Variants in DIP2C observed in about 807,000 individuals in gnomAD.
The protein encoded by DIP2C is DIP2 acetate--CoA ligase C (putative).
Under a neutral mutation model 192.4 loss-of-function variants are expected in DIP2C, and 33 were observed. The ratio of observed to expected loss-of-function variants is 0.17; its 90% CI spans 0.13 to 0.23. The LOEUF (loss-of-function observed/expected upper bound fraction) is 0.23, where lower values mean the gene tolerates loss of function less well. DIP2C is among the 10% of genes least tolerant of loss of function. The pLI is 1.00. For synonymous variants in DIP2C, 979 were observed against 864.1 expected (o/e 1.13, Z -2.33); for missense variants, 1,537 against 2,110.1 (o/e 0.73, Z 5.32).
chr10:616,300 G>GTTTT (rs1246807185), intron 1 of DIP2C, among the ~76,000 whole-genome samples: 4 of 152,212 alleles, frequency 2.6e-5, no homozygotes, highest in African/African-American at 9.6e-5. Flanking sequence ...TTACAGACAA[G>GTTTT]CATGAATGAA....
intron 1 of DIP2C, among the ~76,000 whole-genome samples, chr10:583,077 G>A (rs1389706854): frequency 2.0e-5 from 3 of 152,176 alleles, no homozygotes. Flanking sequence ...CATCTTCTAG[G>A]TTTGCAAGAA....
At position 419,403 on chromosome 10, in the gene DIP2C, G is replaced by A. The variant is rs187748862; in HGVS notation, c.605-204C>T. Among the ~76,000 whole-genome samples, 96 of 152,344 alleles carry A rather than the reference G, an allele frequency of 6.3e-4. 2 individuals are homozygous for A. The East Asian group carries it at 0.016, about 26-fold the overall frequency. On this transcript the variant is annotated intron_variant, in intron 5 of 36. Transcript: ENST00000280886. ...CATAACTCATGTTGCCGCAAATGGA[G>A]CAGAGTTCGGTAAAACCTCAGACGT...
chr10:531,920 A>G (rs558077185), intron 1 of DIP2C, among the ~76,000 whole-genome samples: 3 of 152,252 alleles, frequency 2.0e-5, no homozygotes, highest in African/African-American at 7.2e-5. Context: ...AATTTTTAAA[A>G]TAAGTTTTAA....
chr10:543,360 TAGG>T (rs1564834378), intron 1 of DIP2C, among the ~76,000 whole-genome samples: 3 of 152,312 alleles, frequency 2.0e-5, no homozygotes, highest in Admixed American at 2.0e-4. Context: ...GTAACCCTGT[TAGG>T]AGCTGTGCAG....
At chr10:617,735 T>C (rs932072358) in intron 1 of DIP2C, among the ~76,000 whole-genome samples, 22 of 141,132 alleles carry the variant, frequency 1.6e-4, no homozygotes, top group Non-Finnish European at 2.7e-4. Flanking sequence ...TCAAGGGCGC[T>C]CACCTGCTCC....
intron 1 of DIP2C, among the ~76,000 whole-genome samples, chr10:525,748 T>A (rs1376237859): frequency 6.6e-6 from 1 of 152,176 alleles, no homozygotes; most frequent in Non-Finnish European, 1.5e-5. Context: ...CCACACCAGC[T>A]GTGCAGGTGA....
In DIP2C at chr10:414,888, GTGTATA is replaced by G. The variant is rs1326198555; in HGVS notation, c.860-784_860-779del. On this transcript the variant is annotated intron_variant, in intron 7 of 36. Transcript: ENST00000280886. Reference sequence around the variant, plus strand: ...TGTGTGTGTGTGTGTGTGTGTGTGTGTGTATATATATATATATATTTTTTTTTTTTT... The same window carrying G: ...TGTGTGTGTGTGTGTGTGTGTGTGTGTATATATATATATTTTTTTTTTTTT... 8.5e-3 allele frequency among the ~76,000 whole-genome samples: 563 copies of G among 66,058 alleles called. 9 individuals are homozygous for G. The highest frequency in any genetic ancestry group is 0.038 in the African/African-American group (503 of 13,126). The allele number at this position is 66,058 out of a possible 152,430, so 43.3% of individuals were successfully genotyped here.
chr10:306,162 C>T (rs1471780749), intron 32 of DIP2C, among the ~76,000 whole-genome samples: 1 of 151,916 alleles, frequency 6.6e-6, no homozygotes, highest in Non-Finnish European at 1.5e-5. Flanking sequence ...TCATCATTTC[C>T]TTCCTGCACA....
chr10:334,534 CTG>C (rs957810120), intron 29 of DIP2C, among the ~76,000 whole-genome samples: 3 of 151,640 alleles, frequency 2.0e-5, no homozygotes, highest in South Asian at 2.1e-4. Context: ...AAATTTACTC[CTG>C]TGTTTTCTAA....
In DIP2C at chr10:457,518, C is replaced by G. The variant is rs535601228; in HGVS notation, c.268+14921G>C. 5.3e-5 allele frequency among the ~76,000 whole-genome samples: 8 copies of G among 152,296 alleles called. No homozygotes were observed. In the East Asian group the frequency reaches 1.5e-3, roughly 29 times the overall value. ...GCTACATTGATATGTCCAAAATTCCCTCTTTAGAAATGACGAGGCACAGAT... is the reference window on the plus strand; with the variant it reads ...GCTACATTGATATGTCCAAAATTCCGTCTTTAGAAATGACGAGGCACAGAT... On this transcript the variant is annotated intron_variant, in intron 3 of 36. Coordinates refer to ENST00000280886, the MANE Select transcript of DIP2C (RefSeq NM_014974.3).
intron 1 of DIP2C, among the ~76,000 whole-genome samples, chr10:587,059 GGGGCAAACA>G: frequency 7.0e-6 from 1 of 142,308 alleles, no homozygotes; most frequent in African/African-American, 2.6e-5. Context: ...AGCGTGGCGA[GGGGCAAACA>G]GTGCAGGGTC....
intron 34 of DIP2C, among the ~76,000 whole-genome samples, chr10:284,275 T>C (rs976883437): frequency 6.6e-6 from 1 of 152,194 alleles, no homozygotes; most frequent in African/African-American, 2.4e-5. Flanking sequence ...GCCTCACATA[T>C]GGCAGGCACT....
At chr10:674,789 T>TATATATATAGAGAGAGAGAGAG in intron 1 of DIP2C, among the ~76,000 whole-genome samples, 10 of 62,482 alleles carry the variant, frequency 1.6e-4, no homozygotes, top group African/African-American at 3.6e-4. Flanking sequence ...TATATATATA[T>TATATATATAGAGAGAGAGAGAG]AGAGAGAGAG....
At chr10:526,820 C>T (rs1329016294) in intron 1 of DIP2C, among the ~76,000 whole-genome samples, 3 of 152,230 alleles carry the variant, frequency 2.0e-5, no homozygotes, top group African/African-American at 7.2e-5. Flanking sequence ...GCACCATCTT[C>T]TCCCAGGGAA....
chr10:687,144 C>A (rs1831367351), intron 1 of DIP2C, among the ~76,000 whole-genome samples: 1 of 152,348 alleles, frequency 6.6e-6, no homozygotes, highest in South Asian at 2.1e-4. Flanking sequence ...AGCTTTCACT[C>A]TGAAAGCAGA....
chr10:608,040 T>C (rs772869766), intron 1 of DIP2C, among the ~76,000 whole-genome samples: 6 of 151,304 alleles, frequency 4.0e-5, no homozygotes, highest in Non-Finnish European at 8.8e-5. Flanking sequence ...TCCACTAGAA[T>C]ATGCACAAAT....
chr10:603,699 G>C (rs758307195), intron 1 of DIP2C, among the ~76,000 whole-genome samples: 17 of 152,190 alleles, frequency 1.1e-4, no homozygotes, highest in Non-Finnish European at 2.4e-4. Flanking sequence ...ACTTTTCAAA[G>C]GTCTGGAGGT....
At chr10:520,461 G>T (rs921345917) in intron 1 of DIP2C, among the ~76,000 whole-genome samples, 2 of 152,244 alleles carry the variant, frequency 1.3e-5, no homozygotes, top group Admixed American at 1.3e-4. Context: ...TATATCCACT[G>T]GCTTTCTGGG....
At chr10:557,771 T>TGGGCG (rs1564197774) in intron 1 of DIP2C, among the ~76,000 whole-genome samples, 1 of 22,786 alleles carries the variant, frequency 4.4e-5, no homozygotes, top group African/African-American at 3.1e-4. Context: ...AGGGGGAGGA[T>TGGGCG]GGGCGGGGAG....
Sources: gnomAD v4.1 joint callset for allele counts (sites outside exome capture counted in the v4.1 genomes callset) on GRCh38, gnomAD v4.1.1 for gene constraint, MANE v1.5 for transcripts, NCBI Gene and HGNC (gene_info 2026-07-23, HGNC 2026-07-21) for gene names.